The following BANK1 variants were observed in gnomAD, a reference collection of about 807,000 sequenced individuals.
The protein encoded by BANK1 is B cell scaffold protein with ankyrin repeats 1, also known as B-cell scaffold protein with ankyrin repeats.
BANK1 carries 95 observed loss-of-function variants against 94.5 expected under a neutral mutation model. The ratio of observed to expected loss-of-function variants is 1.00; its 90% CI spans 0.85 to 1.19. BANK1 has a LOEUF of 1.19. BANK1 is among the 50% of genes most tolerant of loss of function. The probability of loss-of-function intolerance (pLI) is 0.00; values close to 1 mark genes in which losing one functional copy is unlikely to be tolerated. For synonymous variants in BANK1, 334 were observed against 308.4 expected, an observed-to-expected ratio of 1.08 and a Z score of -0.87; for missense variants, 987 against 932.2, an observed-to-expected ratio of 1.06 and a Z score of -0.77.
chr4:101,997,099 A>T (rs1282615937), intron 7 of BANK1, among the ~76,000 whole-genome samples: 2 of 152,092 alleles, frequency 1.3e-5, no homozygotes, highest in Non-Finnish European at 2.9e-5. Flanking sequence ...TTTGAGATAC[A>T]TTCCATCAAT....
intron 9 of BANK1, among the ~76,000 whole-genome samples, chr4:102,028,867 T>G (rs1727189178): frequency 6.6e-6 from 1 of 152,132 alleles, no homozygotes; most frequent in African/African-American, 2.4e-5. Flanking sequence ...TTTTATGTCA[T>G]GAACTCTACT....
At chr4:101,972,120 G>T (rs1724978675) in intron 7 of BANK1, among the ~76,000 whole-genome samples, 1 of 151,954 alleles carries the variant, frequency 6.6e-6, no homozygotes, top group Admixed American at 6.6e-5. Flanking sequence ...GTGAACGTGG[G>T]ATGTCTCAAT....
At chr4:101,803,890 T>C (rs1276474661) in intron 1 of BANK1, among the ~76,000 whole-genome samples, 2 of 144,500 alleles carry the variant, frequency 1.4e-5, no homozygotes, top group Admixed American at 7.0e-5. Context: ...CCCAGCTACT[T>C]GGGAGGCTGA....
intron 5 of BANK1, among the ~76,000 whole-genome samples, chr4:101,878,552 C>T (rs1162130371): frequency 6.6e-6 from 1 of 152,126 alleles, no homozygotes; most frequent in African/African-American, 2.4e-5. Context: ...AGATATTCCA[C>T]ACAGAAAATG....
intron 7 of BANK1, among the ~76,000 whole-genome samples, chr4:102,020,889 A>C (rs983826340): frequency 1.2e-4 from 19 of 152,260 alleles, no homozygotes; most frequent in Non-Finnish European, 2.2e-4. Flanking sequence ...ACCAGTATGC[A>C]CCACAACTGT....
At chr4:101,800,728 G>A (rs1024288367) in intron 1 of BANK1, among the ~76,000 whole-genome samples, 2 of 152,080 alleles carry the variant, frequency 1.3e-5, no homozygotes, top group African/African-American at 2.4e-5. Flanking sequence ...CTTGTTACAC[G>A]TTACTTGTTT....
chr4:102,028,114 G>C (rs1019372554), intron 9 of BANK1, among the ~76,000 whole-genome samples: 1 of 152,176 alleles, frequency 6.6e-6, no homozygotes, highest in African/African-American at 2.4e-5. Flanking sequence ...TCTAGTGCAA[G>C]CCCAACTTTA....
intron 2 of BANK1, among the ~76,000 whole-genome samples, chr4:101,847,770 CACACAT>C (rs1278401291): frequency 2.2e-4 from 33 of 148,444 alleles, no homozygotes; most frequent in African/African-American, 7.3e-4. Flanking sequence ...CACACACACA[CACACAT>C]ATGTCTCACA....
intron 7 of BANK1, among the ~76,000 whole-genome samples, chr4:102,006,796 T>C (rs921136943): frequency 9.2e-5 from 14 of 151,376 alleles, no homozygotes; most frequent in African/African-American, 3.2e-4. Context: ...TTATCTTTAG[T>C]AAACCTGGCC....
chr4:101,975,767 T>C (rs1429368702), intron 7 of BANK1, among the ~76,000 whole-genome samples: 1 of 152,162 alleles, frequency 6.6e-6, no homozygotes, highest in Non-Finnish European at 1.5e-5. Context: ...CTCTTTATCC[T>C]TAGTAATGAG....
chr4:101,858,982 C>T (rs1169809247), intron 3 of BANK1, among the ~76,000 whole-genome samples: 2 of 152,106 alleles, frequency 1.3e-5, no homozygotes, highest in African/African-American at 4.8e-5. Flanking sequence ...AAGAATGTAA[C>T]TCTTAAAGGC....
intron 11 of BANK1, among the ~76,000 whole-genome samples, chr4:102,047,537 C>T (rs552518140): frequency 1.4e-4 from 21 of 152,116 alleles, no homozygotes; most frequent in African/African-American, 3.4e-4. Flanking sequence ...AGAACAGCTA[C>T]GAAAGAATTA....
rs377520845 is a variant in BANK1 at position 102,025,453 on chromosome 4, C to A, written c.1538C>A (p.Pro513Gln). 6.2e-6 allele frequency: 10 copies of A among 1,613,960 alleles called. No individual in the cohort carries two copies. The Admixed American group carries it at 1.5e-4, about 24-fold the overall frequency. The change falls in exon 9 of 17, where the codon CCG becomes CAG. Residue 513 changes from proline to glutamine, a missense_variant. Transcript: ENST00000322953. ...PLMSSRPPLP[P>Q]PRPVANAFQL... ...ATGAGCAGCAGACCTCCTCTCCCCCCGCCGCGACCTGTAGCTAATGCCTTC... is the reference window on the plus strand; with the variant it reads ...ATGAGCAGCAGACCTCCTCTCCCCCAGCCGCGACCTGTAGCTAATGCCTTC...
chr4:101,891,411 A>T (rs570525210), intron 5 of BANK1, among the ~76,000 whole-genome samples: 1 of 152,026 alleles, frequency 6.6e-6, no homozygotes, highest in African/African-American at 2.4e-5. Context: ...TTTTTTCAAA[A>T]TATTTTCTTT....
intron 7 of BANK1, among the ~76,000 whole-genome samples, chr4:101,995,096 CT>C (rs1394760281): frequency 7.2e-5 from 11 of 152,224 alleles, no homozygotes; most frequent in African/African-American, 2.6e-4. Context: ...TATCCTTCCC[CT>C]AACCCCCCAC....
chr4:102,053,115 A>G (rs1367545383), intron 11 of BANK1, among the ~76,000 whole-genome samples: 3 of 152,240 alleles, frequency 2.0e-5, no homozygotes. Context: ...TTCTCAGTAC[A>G]TGGAAAGACC....
At chr4:101,888,426 T>C (rs1277035801) in intron 5 of BANK1, among the ~76,000 whole-genome samples, 1 of 152,172 alleles carries the variant, frequency 6.6e-6, no homozygotes, top group Non-Finnish European at 1.5e-5. Context: ...CTTTCCTCCC[T>C]CTTTCTGGCT....
Position 101,941,183 on chromosome 4 carries a change from C to T in BANK1, c.1206+22994C>T, listed in dbSNP as rs376023162. On this transcript the variant is annotated intron_variant, in intron 7 of 16. Transcript: ENST00000322953. ...AGTTGGTTCCTTTATCCTTCTGATA[C>T]ACCCCATCATTGTGTTTCTGTGTGT... Among the ~76,000 whole-genome samples the T allele has an allele frequency of 1.3e-3, 204 of 151,798 alleles. 1 individual carries two copies. The highest frequency in any genetic ancestry group is 3.4e-3 in the Middle Eastern group (1 of 294).
At chr4:101,791,173 G>C (rs1233126820) in intron 1 of BANK1, among the ~76,000 whole-genome samples, 1 of 152,244 alleles carries the variant, frequency 6.6e-6, no homozygotes, top group East Asian at 1.9e-4. Flanking sequence ...AGCGCGCTGG[G>C]AGTTCTGGCC....
Sources: gnomAD v4.1 joint callset for allele counts (sites outside exome capture counted in the v4.1 genomes callset) on GRCh38, gnomAD v4.1.1 for gene constraint, MANE v1.5 for transcripts, NCBI Gene and HGNC (gene_info 2026-07-23, HGNC 2026-07-21) for gene names.